Variants in CASZ1 observed in about 807,000 individuals in gnomAD.
CASZ1 encodes the protein zinc finger protein castor homolog 1.
Under a neutral mutation model 135.2 loss-of-function variants are expected in CASZ1, and 28 were observed. The observed-to-expected ratio is 0.21, with a 90% CI of 0.15 to 0.28. CASZ1 has a LOEUF of 0.28. CASZ1 is among the 10% of genes least tolerant of loss of function. The probability of loss-of-function intolerance (pLI) is 1.00; values close to 1 mark genes in which losing one functional copy is unlikely to be tolerated. For missense variants in CASZ1, 2,161 were observed against 2,453.3 expected (o/e 0.88, Z 2.52); for synonymous variants, 1,068 against 1,073.4 (o/e 0.99, Z 0.10).
chr1:10,779,773 C>T (rs1408035748), intron 1 of CASZ1, among the ~76,000 whole-genome samples: 1 of 152,170 alleles, frequency 6.6e-6, no homozygotes, highest in African/African-American at 2.4e-5. Context: ...AAACCATCCT[C>T]GGGATGATAA....
intron 2 of CASZ1, among the ~76,000 whole-genome samples, chr1:10,723,491 G>A (rs368291697): frequency 6.6e-6 from 1 of 152,208 alleles, no homozygotes; most frequent in Non-Finnish European, 1.5e-5. Flanking sequence ...CAAGCCAGGC[G>A]CCAGCCTCTC....
At chr1:10,722,837 T>C (rs1219039318) in intron 2 of CASZ1, among the ~76,000 whole-genome samples, 1 of 152,176 alleles carries the variant, frequency 6.6e-6, no homozygotes, top group Non-Finnish European at 1.5e-5. Flanking sequence ...CAGGGCTGCA[T>C]GGGGCAGACA....
chr1:10,746,462 A>C (rs561336680), intron 2 of CASZ1, among the ~76,000 whole-genome samples: 84 of 152,304 alleles, frequency 5.5e-4, no homozygotes, highest in African/African-American at 1.8e-3. Context: ...AAGAAAATGA[A>C]AGTAGGAGAA....
In CASZ1 at chr1:10,651,205, C is replaced by T. The variant is rs908460486; in HGVS notation, c.2681-129G>A. ...CCCGGCTACTGGTCAGCGCTTCTCC[C>T]GCTGACGTGATCGCTCGCGACGCTC... is the stretch of plus-strand genomic sequence containing the variant. On this transcript the variant is annotated intron_variant, in intron 11 of 20. Transcript: ENST00000377022. The T allele has an allele frequency of 6.7e-5, 43 of 641,362 alleles. No homozygotes were observed. The Admixed American group carries it at 7.7e-4, about 11-fold the overall frequency. 39.7% of individuals were successfully genotyped at this position (641,362 alleles called of 1,614,324 possible). A position where few individuals can be genotyped will look rare whatever the true frequency, so the allele number is the denominator to read the frequency against.
At chr1:10,690,730 C>T (rs1030238934) in intron 4 of CASZ1, among the ~76,000 whole-genome samples, 8 of 152,228 alleles carry the variant, frequency 5.3e-5, no homozygotes, top group Non-Finnish European at 2.9e-5. Flanking sequence ...CCTCTTTGGC[C>T]CTTGACCTTG....
In CASZ1 at chr1:10,756,475, G is replaced by A. The variant is rs946552572; in HGVS notation, c.-77+4226C>T. Among the ~76,000 whole-genome samples, 10 of 152,202 alleles carry A rather than the reference G, an allele frequency of 6.6e-5. No individual in the cohort carries two copies. Among genetic ancestry groups the A allele is most frequent in the Admixed American group, 3.9e-4 (6 of 15,288 alleles). On this transcript the variant is annotated intron_variant, in intron 2 of 20. Coordinates refer to ENST00000377022, the MANE Select transcript of CASZ1 (RefSeq NM_001079843.3). This position sits in a 1 kb window ranked among gnomAD's most constrained non-coding sequence, Gnocchi z 5.9. ...CGGCAGCCGGCTGTGACAGCTTCAC[G>A]CTCGCCAACCAGGCCTCTGGCTTGC...
In CASZ1 at chr1:10,638,498, G is replaced by C. The variant is rs1642070697; in HGVS notation, c.*444C>G. 1 of 151,926 alleles carries C rather than the reference G, an allele frequency of 6.6e-6. No homozygotes were observed. Among genetic ancestry groups the C allele is most frequent in the South Asian group, 2.1e-4 (1 of 4,830 alleles). 9.4% of individuals were successfully genotyped at this position (151,926 alleles called of 1,614,324 possible). A position where few individuals can be genotyped will look rare whatever the true frequency, so the allele number is the denominator to read the frequency against. On this transcript the variant is annotated 3_prime_UTR_variant, in exon 21 of 21. Transcript: ENST00000377022. This position sits in a 1 kb window ranked among gnomAD's most constrained non-coding sequence, Gnocchi z 5.9. ...CCCCTGGGCAGGGGGGAGGATCCTA[G>C]CTGCATGAGGGAGGCCCCGCCAGCG...
rs1640401351 is a variant in CASZ1 at position 10,762,743 on chromosome 1, A to C, written c.-233-1886T>G. 6.6e-6 allele frequency among the ~76,000 whole-genome samples: 1 copy of C among 152,170 alleles called. No homozygotes were observed. The highest frequency in any genetic ancestry group is 2.1e-4 in the South Asian group (1 of 4,828). On this transcript the variant is annotated intron_variant, in intron 1 of 20. Transcript: ENST00000377022. The surrounding 1 kb of genome is among the most constrained non-coding windows in gnomAD (Gnocchi z 4.1). ...AAAACAGACATGTACATTCCCCAGA[A>C]AAAAGGTTAAGGGAAACACATCTAC...
chr1:10,663,197 C>T lies in CASZ1; in HGVS notation c.505+1886G>A, dbSNP rs1009130020. On this transcript the variant is annotated intron_variant, in intron 5 of 20. Transcript: ENST00000377022. ...CGTGGCTGGGGGGTCTCCTCCCAGGCGAACCTGCCAGGTCTGGGATCCTCA... is the reference window on the plus strand; with the variant it reads ...CGTGGCTGGGGGGTCTCCTCCCAGGTGAACCTGCCAGGTCTGGGATCCTCA... 4.6e-5 allele frequency among the ~76,000 whole-genome samples: 7 copies of T among 152,166 alleles called. No individual in the cohort carries two copies. In the East Asian group the frequency reaches 5.8e-4, roughly 13 times the overall value.
At position 10,725,483 on chromosome 1, in the gene CASZ1, A is replaced by G. The variant is rs1363850214; in HGVS notation, c.-76-19939T>C. Among the ~76,000 whole-genome samples the G allele has an allele frequency of 1.3e-5, 2 of 152,166 alleles. No individual in the cohort carries two copies. The highest frequency in any genetic ancestry group is 6.5e-5 in the Admixed American group (1 of 15,276). On this transcript the variant is annotated intron_variant, in intron 2 of 20. Transcript: ENST00000377022. This position sits in a 1 kb window ranked among gnomAD's most constrained non-coding sequence, Gnocchi z 4.4. ...GTTTGCAGATTGCTCTGTTGGCTCA[A>G]TTTCTTATTGGATTTCTCAAAAAAC...
intron 20 of CASZ1, chr1:10,642,449 C>T (rs994976931): frequency 1.2e-4 from 25 of 201,844 alleles, no homozygotes; most frequent in South Asian, 5.5e-4. Context: ...AATGTGTGCA[C>T]GGATGAGCAG....
chr1:10,656,608 G>T (rs371885503), intron 8 of CASZ1, 38 bp downstream of exon 8: 38 of 1,468,624 alleles, frequency 2.6e-5, no homozygotes, highest in Non-Finnish European at 3.6e-5. Flanking sequence ...TGCTGTGCTG[G>T]TGGCGGAGAG....
In CASZ1 at chr1:10,653,776, C is replaced by G; in HGVS notation, c.2281G>C (p.Gly761Arg). ...LAAATAATEAGPSATKPPNSK... is the reference protein window; with the variant it reads ...LAAATAATEARPSATKPPNSK... ...TTGGGAGGTTTGGTGGCACTGGGCC[C>G]AGCCTCGGTGGCGGCAGTGGCGGCA... The change falls in exon 11 of 21, where the codon GGG becomes CGG. Residue 761 changes from glycine to arginine, a missense_variant. Physicochemically the swap from Gly to Arg is moderately radical, Grantham distance 125. Transcript: ENST00000377022. 5 of 1,611,068 alleles carry G rather than the reference C, an allele frequency of 3.1e-6. No homozygotes were observed. Among genetic ancestry groups the G allele is most frequent in the Non-Finnish European group, 4.2e-6 (5 of 1,178,468 alleles).
intron 9 of CASZ1, among the ~76,000 whole-genome samples, chr1:10,655,151 G>GC (rs1239203970): frequency 6.6e-6 from 1 of 152,080 alleles, no homozygotes; most frequent in East Asian, 1.9e-4. Context: ...CCAGAGGGTG[G>GC]CCCCCCTCTC....
chr1:10,689,108 C>T (rs1221855280), intron 4 of CASZ1, among the ~76,000 whole-genome samples: 2 of 151,906 alleles, frequency 1.3e-5, no homozygotes, highest in Non-Finnish European at 2.9e-5. Context: ...GGGGGGTGGG[C>T]CAGGTGGAGA....
chr1:10,732,332 A>G (rs917028109), intron 2 of CASZ1, among the ~76,000 whole-genome samples: 12 of 150,600 alleles, frequency 8.0e-5, no homozygotes, highest in Non-Finnish European at 1.5e-4. Flanking sequence ...AAAAAAAAAA[A>G]AAAAGAAAAT....
At chr1:10,688,204 G>C (rs1638655979) in intron 4 of CASZ1, among the ~76,000 whole-genome samples, 1 of 152,180 alleles carries the variant, frequency 6.6e-6, no homozygotes, top group Non-Finnish European at 1.5e-5. Flanking sequence ...TCCGAGTGCT[G>C]GGTCCTGGCA....
Position 10,638,148 on chromosome 1 carries a change from G to C in CASZ1, c.*794C>G, listed in dbSNP as rs1642056616. ...TCTATGTAGAATAATAACCTTTACAGGAAAAATACTGTACAACTTTCTTGT... is the reference window on the plus strand; with the variant it reads ...TCTATGTAGAATAATAACCTTTACACGAAAAATACTGTACAACTTTCTTGT... On this transcript the variant is annotated 3_prime_UTR_variant, in exon 21 of 21. Coordinates refer to ENST00000377022, the MANE Select transcript of CASZ1 (RefSeq NM_001079843.3). This position sits in a 1 kb window ranked among gnomAD's most constrained non-coding sequence, Gnocchi z 5.9. 6.6e-6 allele frequency: 1 copy of C among 152,382 alleles called. No individual in the cohort carries two copies. Among genetic ancestry groups the C allele is most frequent in the African/African-American group, 2.4e-5 (1 of 41,440 alleles). 9.4% of individuals were successfully genotyped at this position (152,382 alleles called of 1,614,324 possible). A position where few individuals can be genotyped will look rare whatever the true frequency, so the allele number is the denominator to read the frequency against.
Position 10,640,059 on chromosome 1 carries a change from C to T in CASZ1, c.4163G>A (p.Gly1388Glu), listed in dbSNP as rs1282833824. Reference protein sequence around the residue: ...TPVGNESTAAGNTISMPTASG... With the variant: ...TPVGNESTAAENTISMPTASG... Reference sequence around the variant, plus strand: ...GGCTGTCGGCATAGAGATGGTGTTCCCTGGGGAGGGGCAGGGAGGTCAGTG... The same window carrying T: ...GGCTGTCGGCATAGAGATGGTGTTCTCTGGGGAGGGGCAGGGAGGTCAGTG... The change falls in exon 21 of 21, where the codon GGG becomes GAG. Residue 1388 changes from glycine to glutamate, a missense_variant and splice_region_variant. Gly to Glu is a moderately conservative substitution (Grantham distance 98, BLOSUM62 -2). Around this residue, in one of 7 missense-constraint regions of CASZ1, gnomAD observed 143 missense variants for 128.3 expected, o/e 1.11. Coordinates refer to ENST00000377022, the MANE Select transcript of CASZ1 (RefSeq NM_001079843.3). The T allele has an allele frequency of 6.2e-7, 1 of 1,603,248 alleles. No individual in the cohort carries two copies. The highest frequency in any genetic ancestry group is 8.5e-7 in the Non-Finnish European group (1 of 1,177,408).
Sources: gnomAD v4.1 joint callset for allele counts (sites outside exome capture counted in the v4.1 genomes callset) on GRCh38, gnomAD v4.1.1 for gene constraint, gnomAD v4.1.1 regional missense constraint, Gnocchi (gnomAD v3.1) non-coding constraint, MANE v1.5 for transcripts, NCBI Gene and HGNC (gene_info 2026-07-23, HGNC 2026-07-21) for gene names.